Variants in SERINC5 observed in about 807,000 individuals in gnomAD.
The protein encoded by SERINC5 is chromosome 5 open reading frame 12.
Under a neutral mutation model 63.1 loss-of-function variants are expected in SERINC5, and 41 were observed. The ratio of observed to expected loss-of-function variants is 0.65; its 90% CI spans 0.51 to 0.84. The LOEUF is 0.84. Ranked by LOEUF, SERINC5 falls within the 40% of genes least tolerant of loss-of-function variation. The pLI, the probability that SERINC5 is intolerant of heterozygous loss-of-function variation, is 0.00. For missense variants in SERINC5, 523 were observed against 573.0 expected (o/e 0.91, Z 0.89); for synonymous variants, 222 against 215.2 (o/e 1.03, Z -0.28).
In SERINC5 at chr5:80,139,678, G is replaced by T. The variant is rs146388418; in HGVS notation, c.*3985C>A. 4.5e-5 allele frequency: 44 copies of T among 985,254 alleles called. No individual in the cohort carries two copies. The Middle Eastern group carries it at 2.1e-3, about 47-fold the overall frequency. 61.0% of individuals were successfully genotyped at this position (985,254 alleles called of 1,614,324 possible). A position where few individuals can be genotyped will look rare whatever the true frequency, so the allele number is the denominator to read the frequency against. On this transcript the variant is annotated 3_prime_UTR_variant, in exon 12 of 12. Coordinates refer to ENST00000507668, the MANE Select transcript of SERINC5 (RefSeq NM_001174072.3). ...AGTCAAAGGCCCAACATTACAGAGC[G>T]CACCTCTGCCTGAAATACAAAACTA... is the stretch of plus-strand genomic sequence containing the variant.
At chr5:80,222,188 C>T (rs1750932789) in intron 1 of SERINC5, among the ~76,000 whole-genome samples, 1 of 151,986 alleles carries the variant, frequency 6.6e-6, no homozygotes, top group Non-Finnish European at 1.5e-5. Flanking sequence ...TGGTCCCAAG[C>T]TCACTCTCTA....
chr5:80,138,323 C>T (rs1328669840), downstream of SERINC5, among the ~76,000 whole-genome samples: 2 of 152,012 alleles, frequency 1.3e-5, no homozygotes, highest in African/African-American at 2.4e-5. Context: ...AGGCCGGGCA[C>T]GGTGGCTCAC....
intron 2 of SERINC5, among the ~76,000 whole-genome samples, chr5:80,184,786 G>C (rs187465401): frequency 1.3e-5 from 2 of 152,286 alleles, no homozygotes; most frequent in Non-Finnish European, 2.9e-5. Flanking sequence ...CCACACCACA[G>C]GGTGAAAGGA....
At position 80,138,905 on chromosome 5, in the gene SERINC5, A is replaced by T. The variant is rs967845331; in HGVS notation, c.*4758T>A. ...AAAAAACAACACAGTTTTAATTTTA[A>T]ATTTTATTAAAGTACAGAGTTAACA... On this transcript the variant is annotated 3_prime_UTR_variant, in exon 12 of 12. Coordinates refer to ENST00000507668, the MANE Select transcript of SERINC5 (RefSeq NM_001174072.3). The T allele has an allele frequency of 3.8e-5, 37 of 971,308 alleles. No homozygotes were observed. Among genetic ancestry groups the T allele is most frequent in the African/African-American group, 8.8e-5 (5 of 56,922 alleles). The allele number at this position is 971,308 out of a possible 1,614,324, so 60.2% of individuals were successfully genotyped here.
intron 7 of SERINC5, among the ~76,000 whole-genome samples, chr5:80,160,872 C>G (rs559843879): frequency 2.0e-5 from 3 of 151,084 alleles, no homozygotes; most frequent in Non-Finnish European, 2.9e-5. Context: ...GGATTTCATT[C>G]TTTTTTATGG....
In SERINC5 at chr5:80,159,016, G is replaced by A. The variant is rs552995767; in HGVS notation, c.860-54C>T. ...GTCAAGTACAAAGGCCAGTTGTAAC[G>A]CACAGAAGCACTCATTTTGGGAAAA... On this transcript the variant is annotated intron_variant, in intron 7 of 11. Transcript: ENST00000507668. The A allele has an allele frequency of 4.8e-5, 76 of 1,593,034 alleles. No homozygotes were observed. The South Asian group carries it at 7.2e-4, about 15-fold the overall frequency.
At chr5:80,112,784 AAAAT>A (rs957565793) in intron 12 of SERINC5, among the ~76,000 whole-genome samples, 1 of 152,132 alleles carries the variant, frequency 6.6e-6, no homozygotes, top group African/African-American at 2.4e-5. Context: ...TCATTTCTAA[AAAAT>A]AAATAAATAA....
At chr5:80,209,213 G>A (rs1010221796) in intron 1 of SERINC5, among the ~76,000 whole-genome samples, 50 of 152,210 alleles carry the variant, frequency 3.3e-4, no homozygotes, top group Non-Finnish European at 1.0e-4. Context: ...AGAGGTTGCA[G>A]TGAGCCGAGA....
chr5:80,149,214 T>C (rs191952766), intron 9 of SERINC5, among the ~76,000 whole-genome samples: 142 of 152,284 alleles, frequency 9.3e-4, no homozygotes, highest in African/African-American at 3.3e-3. Context: ...CTGTACACAA[T>C]AGGGACATTG....
chr5:80,243,319 TCTTA>T (rs1013302621), intron 1 of SERINC5, among the ~76,000 whole-genome samples: 2 of 152,170 alleles, frequency 1.3e-5, no homozygotes, highest in African/African-American at 4.8e-5. Context: ...AAAAAAAGAC[TCTTA>T]CATAAAACAT....
intron 2 of SERINC5, among the ~76,000 whole-genome samples, chr5:80,195,284 C>T (rs1307036141): frequency 7.3e-6 from 1 of 136,750 alleles, no homozygotes; most frequent in Non-Finnish European, 1.5e-5. Flanking sequence ...GAAACTCTGT[C>T]GCAAAAAAAA....
At position 80,117,336 on chromosome 5, in the gene SERINC5, T is replaced by C. The variant is rs1023513215; in HGVS notation, c.1239-3711A>G. Among the ~76,000 whole-genome samples, 19 of 152,104 alleles carry C rather than the reference T, an allele frequency of 1.2e-4. 1 individual carries two copies. Among genetic ancestry groups the C allele is most frequent in the African/African-American group, 4.1e-4 (17 of 41,354 alleles). ...TGTAAAATAGGCAAATATTGGCACC[T>C]ACCTCATAGAATTAGTGCGAGGCTT... On this transcript the variant is annotated intron_variant, in intron 11 of 12. Coordinates refer to the SERINC5 transcript ENST00000509193.
intron 11 of SERINC5, among the ~76,000 whole-genome samples, chr5:80,144,357 A>C (rs1233657312): frequency 6.6e-6 from 1 of 152,176 alleles, no homozygotes; most frequent in African/African-American, 2.4e-5. Context: ...TTTTTGTCTT[A>C]GGTATACGCT....
At position 80,244,586 on chromosome 5, in the gene SERINC5, T is replaced by G. The variant is rs1027195237; in HGVS notation, c.27+11310A>C. Among the ~76,000 whole-genome samples the G allele has an allele frequency of 1.0e-3, 157 of 151,610 alleles. 1 individual carries two copies. The highest frequency in any genetic ancestry group is 9.9e-3 in the Admixed American group (151 of 15,222). On this transcript the variant is annotated intron_variant, in intron 1 of 11. Coordinates refer to ENST00000507668, the MANE Select transcript of SERINC5 (RefSeq NM_001174072.3). ...TGGCTCACGTCTGTAATCCCAGCACTTTGGGAGGCTGAGGCGGGTTGATCA... is the reference window on the plus strand; with the variant it reads ...TGGCTCACGTCTGTAATCCCAGCACGTTGGGAGGCTGAGGCGGGTTGATCA...
intron 2 of SERINC5, among the ~76,000 whole-genome samples, chr5:80,190,629 A>G (rs1169170742): frequency 6.6e-6 from 1 of 152,226 alleles, no homozygotes; most frequent in Non-Finnish European, 1.5e-5. Flanking sequence ...GAAATGCTGT[A>G]TGCACAAAAC....
At chr5:80,146,316 C>A (rs1186255483) in intron 10 of SERINC5, 82 bp from the exon 11 acceptor site, 13 of 1,511,170 alleles carry the variant, frequency 8.6e-6, no homozygotes, top group Non-Finnish European at 1.1e-5. Context: ...GCTAATTCTA[C>A]AGGGCTGTCA....
chr5:80,142,464 C>A lies in SERINC5; in HGVS notation c.*1199G>T, dbSNP rs1745569163. The A allele has an allele frequency of 1.0e-6, 1 of 981,216 alleles. No homozygotes were observed. The highest frequency in any genetic ancestry group is 1.7e-5 in the African/African-American group (1 of 57,202). 60.8% of individuals were successfully genotyped at this position (981,216 alleles called of 1,614,324 possible). A position where few individuals can be genotyped will look rare whatever the true frequency, so the allele number is the denominator to read the frequency against. On this transcript the variant is annotated 3_prime_UTR_variant, in exon 12 of 12. Transcript: ENST00000507668. ...GCCAGGCTGGTCTTGCAACTCCTGACCTCAAGTGATCCGCCTGCCTCTGCG... is the reference window on the plus strand; with the variant it reads ...GCCAGGCTGGTCTTGCAACTCCTGAACTCAAGTGATCCGCCTGCCTCTGCG...
chr5:80,191,664 A>T (rs1340081989), intron 2 of SERINC5, among the ~76,000 whole-genome samples: 1 of 73,892 alleles, frequency 1.4e-5, no homozygotes, highest in Non-Finnish European at 2.7e-5. Context: ...CCCTGTCTCT[A>T]AAAAAAAAAA....
intron 1 of SERINC5, among the ~76,000 whole-genome samples, chr5:80,247,516 A>T (rs1310826169): frequency 6.6e-6 from 1 of 152,168 alleles, no homozygotes. Flanking sequence ...GTCCAAAGCT[A>T]TTTGTCAGCT....
Sources: gnomAD v4.1 joint callset for allele counts (sites outside exome capture counted in the v4.1 genomes callset) on GRCh38, gnomAD v4.1.1 for gene constraint, MANE v1.5 for transcripts, NCBI Gene and HGNC (gene_info 2026-07-23, HGNC 2026-07-21) for gene names.